Variants in CEACAM19 observed in about 807,000 individuals in gnomAD.
The protein encoded by CEACAM19 is cell adhesion molecule CEACAM19.
Under a neutral mutation model 37.6 loss-of-function variants are expected in CEACAM19, and 37 were observed. The ratio of observed to expected loss-of-function variants is 0.98; its 90% CI spans 0.76 to 1.29. The LOEUF is 1.29. Among genes scored for constraint, CEACAM19 ranks in the 50% most tolerant of loss-of-function variants. The pLI is 0.00. For synonymous variants in CEACAM19, 140 were observed against 149.8 expected (o/e 0.93, Z 0.48); for missense variants, 340 against 375.6 (o/e 0.91, Z 0.78).
intron 3 of CEACAM19, among the ~76,000 whole-genome samples, chr19:44,677,132 A>G (rs1973964069): frequency 6.6e-6 from 1 of 152,072 alleles, no homozygotes; most frequent in African/African-American, 2.4e-5. Context: ...CAAGGAGACC[A>G]CCTTGTTCCT....
upstream of CEACAM19, among the ~76,000 whole-genome samples, chr19:44,667,683 A>T (rs1396011567): frequency 3.5e-5 from 3 of 85,788 alleles, no homozygotes; most frequent in African/African-American, 1.4e-4. Context: ...TATATTATAT[A>T]TATAAATATA....
In CEACAM19 at chr19:44,676,230, C is replaced by A. The variant is rs780652996; in HGVS notation, c.425-41C>A. ...GACTGGGGGAGCCCTCAGGAGACAT[C>A]GCACAGTCCCCCCTCTCTCTTTCTT... On this transcript the variant is annotated intron_variant, in intron 2 of 7. Transcript: ENST00000358777. The A allele has an allele frequency of 8.1e-6, 13 of 1,603,124 alleles. No homozygotes were observed. The Middle Eastern group carries it at 1.0e-3, about 123-fold the overall frequency.
chr19:44,680,228 T>C (rs973358294), intron 4 of CEACAM19, 60 bp from the exon 5 acceptor site: 28 of 1,418,194 alleles, frequency 2.0e-5, no homozygotes, highest in Non-Finnish European at 2.8e-5. Context: ...CTCTTAAGTC[T>C]CTCTCCCCCC....
intron 3 of CEACAM19, chr19:44,678,040 A>C (rs1455127595): frequency 6.6e-6 from 1 of 151,940 alleles, no homozygotes. Context: ...GTGCAGTGGC[A>C]TGATCATAGT....
chr19:44,672,473 AT>A (rs1417709876), intron 1 of CEACAM19, 122 bp from the exon 2 acceptor site: 4 of 1,089,134 alleles, frequency 3.7e-6, no homozygotes, highest in Admixed American at 2.8e-5. Flanking sequence ...CAATCCCAGC[AT>A]TGTTTCCAAT....
chr19:44,680,266 A>G, intron 4 of CEACAM19, 22 bp from the exon 5 acceptor site: 2 of 1,601,652 alleles, frequency 1.2e-6, no homozygotes, highest in Non-Finnish European at 1.7e-6. Context: ...TCCTAATATC[A>G]ATTCCCTCTA....
chr19:44,683,368 C>A (rs1974099103), intron 7 of CEACAM19, 69 bp from the exon 8 acceptor site: 1 of 648,058 alleles, frequency 1.5e-6, no homozygotes, highest in Non-Finnish European at 2.8e-6. Flanking sequence ...ATCCTCTGTC[C>A]CTCTCTGTCT....
intron 3 of CEACAM19, 48 bp from the exon 4 acceptor site, chr19:44,678,805 A>G: frequency 6.2e-7 from 1 of 1,601,766 alleles, no homozygotes; most frequent in Non-Finnish European, 8.5e-7. Context: ...CTGATATTCT[A>G]CTGTCAATGC....
intron 5 of CEACAM19, 37 bp downstream of exon 5, chr19:44,680,371 C>G (rs1200226224): frequency 1.9e-6 from 3 of 1,560,570 alleles, no homozygotes; most frequent in South Asian, 2.2e-5. Flanking sequence ...ACCTAGCCCT[C>G]CTCTCAGCTC....
intron 3 of CEACAM19, chr19:44,677,446 AGAGAGAGAGAGGAGAGAGAG>A (rs1390280364): frequency 1.3e-5 from 2 of 152,068 alleles, no homozygotes; most frequent in African/African-American, 4.8e-5. Context: ...AGAGAGAGAG[AGAGAGAGAGAGGAGAGAGAG>A]GAGAGAGAGA....
At position 44,684,030 on chromosome 19, in the gene CEACAM19, T is replaced by C. The variant is rs2289495; in HGVS notation, c.*540T>C. 0.38 allele frequency: 57,556 copies of C among 152,388 alleles called. 11,993 individuals are homozygous for C. The highest frequency in any genetic ancestry group is 0.57 in the East Asian group (2,955 of 5,166). 9.4% of individuals were successfully genotyped at this position (152,388 alleles called of 1,614,324 possible). A position where few individuals can be genotyped will look rare whatever the true frequency, so the allele number is the denominator to read the frequency against. ...GTCCCAGCAAGGTGACCACGGCTGC[T>C]GGACCCCTTCCCTGTTCAGGCAGGC... On this transcript the variant is annotated 3_prime_UTR_variant, in exon 8 of 8. Transcript: ENST00000358777.
In CEACAM19 at chr19:44,682,592, A is replaced by G. The variant is rs772245758; in HGVS notation, c.818A>G (p.Gln273Arg). 6.2e-7 allele frequency: 1 copy of G among 1,604,750 alleles called. No individual in the cohort carries two copies. Among genetic ancestry groups the G allele is most frequent in the South Asian group, 1.1e-5 (1 of 89,202 alleles). ...ARPLPTPPHL[Q>R]AEPENHQYQD... Reference sequence around the variant, plus strand: ...CCCCTGCCCACACCCCCACACCTGCAGGCGGAGCCAGAGAACCACCAGTAC... The same window carrying G: ...CCCCTGCCCACACCCCCACACCTGCGGGCGGAGCCAGAGAACCACCAGTAC... The change falls in exon 7 of 8, where the codon CAG becomes CGG. Residue 273 changes from glutamine to arginine, a missense_variant. By Grantham distance (43) the Gln-to-Arg change is conservative. Transcript: ENST00000358777.
At chr19:44,678,194 C>T (rs1432294783) in intron 3 of CEACAM19, 1 of 152,386 alleles carries the variant, frequency 6.6e-6, no homozygotes, top group African/African-American at 2.4e-5. Context: ...CTATGTTGCC[C>T]AAGCTGACCT....
chr19:44,679,917 G>A (rs949412180), intron 4 of CEACAM19, among the ~76,000 whole-genome samples: 4 of 152,058 alleles, frequency 2.6e-5, no homozygotes, highest in African/African-American at 7.2e-5. Flanking sequence ...GCAACAGAGC[G>A]AGACTCTGTC....
intron 7 of CEACAM19, 48 bp downstream of exon 7, chr19:44,682,668 G>C: frequency 6.5e-7 from 1 of 1,546,918 alleles, no homozygotes; most frequent in South Asian, 1.2e-5. Flanking sequence ...CACGGATCCA[G>C]GAGCCCCGAA....
At chr19:44,667,617 T>TTATAAATATATATATATATA (rs1410722559), upstream of CEACAM19, among the ~76,000 whole-genome samples, 1 of 99,466 alleles carries the variant, frequency 1.0e-5, no homozygotes, top group Non-Finnish European at 1.8e-5. Flanking sequence ...ATATATTATA[T>TTATAAATATATATATATATA]ATTTATAAAT....
At chr19:44,668,079 AT>A (rs1973770576), upstream of CEACAM19, among the ~76,000 whole-genome samples, 1 of 83,312 alleles carries the variant, frequency 1.2e-5, no homozygotes, top group Admixed American at 2.3e-4. Flanking sequence ...ATATAAATAT[AT>A]TTATATATTA....
chr19:44,667,995 ATTT>A (rs1973766505), upstream of CEACAM19, among the ~76,000 whole-genome samples: 1 of 248 alleles, frequency 4.0e-3, no homozygotes, highest in African/African-American at 0.029. Flanking sequence ...TATAGTATAT[ATTT>A]ATATAGATTT....
At chr19:44,680,455 G>T in intron 5 of CEACAM19, 121 bp downstream of exon 5, 1 of 908,700 alleles carries the variant, frequency 1.1e-6, no homozygotes, top group Non-Finnish European at 1.7e-6. Flanking sequence ...CCTGCCCCGA[G>T]ACCTCTCTGG....
Sources: gnomAD v4.1 joint callset for allele counts (sites outside exome capture counted in the v4.1 genomes callset) on GRCh38, gnomAD v4.1.1 for gene constraint, MANE v1.5 for transcripts, NCBI Gene and HGNC (gene_info 2026-07-23, HGNC 2026-07-21) for gene names.